Variants in PDE4D observed in about 807,000 individuals in gnomAD.
PDE4D encodes 3',5'-cyclic-AMP phosphodiesterase 4D.
Under a neutral mutation model 87.4 loss-of-function variants are expected in PDE4D, and 24 were observed. That is an observed-to-expected ratio of 0.27 (90% CI 0.20 to 0.39). The LOEUF (loss-of-function observed/expected upper bound fraction) is 0.39. Among genes scored for constraint, PDE4D ranks in the 10% least tolerant of loss-of-function variants. The pLI, the probability that PDE4D is intolerant of heterozygous loss-of-function variation, is 1.00. For missense variants in PDE4D, 714 were observed against 1,041.0 expected, an observed-to-expected ratio of 0.69 and a Z score of 4.32; for synonymous variants, 384 against 383.2, an observed-to-expected ratio of 1.00 and a Z score of -0.02.
chr5:60,184,678 G>A (rs1245722596), intron 2 of PDE4D, among the ~76,000 whole-genome samples: 1 of 152,184 alleles, frequency 6.6e-6, no homozygotes, highest in African/African-American at 2.4e-5. Context: ...AAGCTGGATG[G>A]TAACTCCATA....
At chr5:58,978,649 T>C (rs1024287688) in intron 11 of PDE4D, among the ~76,000 whole-genome samples, 1 of 152,150 alleles carries the variant, frequency 6.6e-6, no homozygotes, top group African/African-American at 2.4e-5. Context: ...ATCGGAACTA[T>C]AGAAATACAA....
At chr5:59,715,235 A>G (rs963643348) in intron 1 of PDE4D, among the ~76,000 whole-genome samples, 1 of 152,232 alleles carries the variant, frequency 6.6e-6, no homozygotes, top group Non-Finnish European at 1.5e-5. Flanking sequence ...ACCTACTTGA[A>G]GCAACAGAGT....
At chr5:60,285,471 A>C (rs1470613085) in intron 1 of PDE4D, among the ~76,000 whole-genome samples, 1 of 152,120 alleles carries the variant, frequency 6.6e-6, no homozygotes, top group Admixed American at 6.6e-5. Context: ...ACAAAAAAAA[A>C]ACCTGCCTAA....
Position 60,249,290 on chromosome 5 carries a change from T to A in PDE4D, c.-89-63603A>T, listed in dbSNP as rs533658448. 5.9e-5 allele frequency among the ~76,000 whole-genome samples: 9 copies of A among 152,126 alleles called. No homozygotes were observed. In the South Asian group the frequency reaches 1.9e-3, roughly 32 times the overall value. ...TCATGCCCACACAGGGCTGGGTGTG[T>A]TCTATTAAACATTTAGGTAAAAGGA... On this transcript the variant is annotated intron_variant, in intron 1 of 16. Coordinates refer to the PDE4D transcript ENST00000502484.
chr5:60,004,849 C>A (rs547677468), intron 2 of PDE4D, among the ~76,000 whole-genome samples: 6 of 152,006 alleles, frequency 3.9e-5, no homozygotes, highest in Non-Finnish European at 8.8e-5. Flanking sequence ...TGTAGCACTG[C>A]GGTGAAAACG....
chr5:59,554,145 G>T (rs1044052377), intron 1 of PDE4D, among the ~76,000 whole-genome samples: 2 of 152,130 alleles, frequency 1.3e-5, no homozygotes, highest in Non-Finnish European at 2.9e-5. Flanking sequence ...ATAGAGTTAG[G>T]AAGACACAAT....
intron 2 of PDE4D, among the ~76,000 whole-genome samples, chr5:60,034,119 A>G (rs1406702471): frequency 1.3e-5 from 2 of 152,180 alleles, no homozygotes; most frequent in Non-Finnish European, 2.9e-5. Context: ...GATAGGAAGA[A>G]GCAGGAAGGA....
At chr5:60,213,479 A>G (rs972641986) in intron 1 of PDE4D, among the ~76,000 whole-genome samples, 1 of 152,018 alleles carries the variant, frequency 6.6e-6, no homozygotes, top group Non-Finnish European at 1.5e-5. Context: ...TTCTCTTGAG[A>G]CCAGTCGGAT....
intron 2 of PDE4D, among the ~76,000 whole-genome samples, chr5:60,025,237 G>A (rs951369585): frequency 9.9e-5 from 15 of 152,258 alleles, no homozygotes; most frequent in African/African-American, 3.6e-4. Context: ...TAGAACTTAT[G>A]AAAACGTTTG....
chr5:59,810,978 C>T (rs1448282115), intron 1 of PDE4D, among the ~76,000 whole-genome samples: 1 of 152,094 alleles, frequency 6.6e-6, no homozygotes, highest in Non-Finnish European at 1.5e-5. Flanking sequence ...TGGAAGTTGA[C>T]ATGAGGAGGC....
intron 1 of PDE4D, among the ~76,000 whole-genome samples, chr5:59,385,532 C>T (rs2153605124): frequency 6.6e-6 from 1 of 152,080 alleles, no homozygotes; most frequent in South Asian, 2.1e-4. Flanking sequence ...GGGTAGGAGG[C>T]AAGGTTTCAG....
At chr5:59,612,831 C>G (rs1829177229) in intron 1 of PDE4D, among the ~76,000 whole-genome samples, 1 of 152,058 alleles carries the variant, frequency 6.6e-6, no homozygotes, top group South Asian at 2.1e-4. Flanking sequence ...GTACCTGAAG[C>G]AGGACTTTGC....
chr5:60,256,465 A>G (rs572471630), intron 1 of PDE4D, among the ~76,000 whole-genome samples: 1 of 151,986 alleles, frequency 6.6e-6, no homozygotes, highest in Non-Finnish European at 1.5e-5. Context: ...TATGAAATCA[A>G]TAACCCTAAA....
chr5:60,206,375 T>G (rs890914104), intron 1 of PDE4D, among the ~76,000 whole-genome samples: 1 of 152,258 alleles, frequency 6.6e-6, no homozygotes, highest in Non-Finnish European at 1.5e-5. Context: ...TCCCAACCTT[T>G]TCTAGTGCTC....
At chr5:59,970,446 G>A (rs189980853) in intron 3 of PDE4D, among the ~76,000 whole-genome samples, 5,785 of 152,036 alleles carry the variant, frequency 0.038, 330 homozygotes, top group East Asian at 0.13. Flanking sequence ...GAAAATTTTC[G>A]CAACCTACTC....
intron 1 of PDE4D, among the ~76,000 whole-genome samples, chr5:59,463,338 A>G (rs892501584): frequency 2.0e-5 from 3 of 152,206 alleles, no homozygotes; most frequent in African/African-American, 2.4e-5. Context: ...TGGTTAACCT[A>G]GAAAGCTTCA....
intron 1 of PDE4D, among the ~76,000 whole-genome samples, chr5:59,863,226 T>G (rs1173501662): frequency 2.6e-5 from 4 of 152,322 alleles, no homozygotes; most frequent in Admixed American, 6.5e-5. Flanking sequence ...CATGAGACTC[T>G]AGTGTCTGTC....
intron 1 of PDE4D, among the ~76,000 whole-genome samples, chr5:59,817,222 G>GT (rs1769075636): frequency 6.6e-6 from 1 of 152,166 alleles, no homozygotes; most frequent in African/African-American, 2.4e-5. Flanking sequence ...AGATGAGATG[G>GT]TTCTCCCTCT....
chr5:59,012,804 T>C (rs1753103261), intron 6 of PDE4D, among the ~76,000 whole-genome samples: 1 of 152,164 alleles, frequency 6.6e-6, no homozygotes. Context: ...CAAGCGGACC[T>C]AATAGACATC....
Sources: gnomAD v4.1 joint callset for allele counts (sites outside exome capture counted in the v4.1 genomes callset) on GRCh38, gnomAD v4.1.1 for gene constraint, MANE v1.5 for transcripts, NCBI Gene and HGNC (gene_info 2026-07-23, HGNC 2026-07-21) for gene names.